The following MACF1 variants were observed in gnomAD, a reference collection of about 807,000 sequenced individuals.
MACF1 encodes microtubule-actin cross-linking factor 1.
In MACF1, 193 loss-of-function variants were observed where a neutral mutation model predicts 854.8. That is an observed-to-expected ratio of 0.23 (90% CI 0.20 to 0.25). The LOEUF is 0.25. Among genes scored for constraint, MACF1 ranks in the 10% least tolerant of loss-of-function variants. The pLI is 1.00. For missense variants in MACF1, 7,722 were observed against 8,929.1 expected (o/e 0.86, Z 5.45); for synonymous variants, 3,185 against 3,226.7 (o/e 0.99, Z 0.44).
chr1:39,469,669 C>A, intron 97 of MACF1, 54 bp downstream of exon 97: 1 of 1,367,734 alleles, frequency 7.3e-7, no homozygotes, highest in Non-Finnish European at 1.0e-6. Context: ...TTGAGAATGG[C>A]TTTGCTTCTT....
intron 97 of MACF1, among the ~76,000 whole-genome samples, chr1:39,473,381 CCTT>C (rs1199381033): frequency 2.0e-5 from 3 of 152,232 alleles, no homozygotes; most frequent in African/African-American, 7.2e-5. Flanking sequence ...GGATAATCTT[CCTT>C]CTTGTAGTAT....
chr1:39,460,564 G>A lies in MACF1; in HGVS notation c.21361-68G>A. On this transcript the variant is annotated intron_variant, in intron 91 of 100. Coordinates refer to ENST00000564288, the MANE Select transcript of MACF1 (RefSeq NM_001394062.1). The surrounding 1 kb of genome is among the most constrained non-coding windows in gnomAD (Gnocchi z 4.1). ...GCTTTACTGAATGTCTGAAAGTTTGGGTATGCTCTGGGCAGCTTTTGAGGG... is the reference window on the plus strand; with the variant it reads ...GCTTTACTGAATGTCTGAAAGTTTGAGTATGCTCTGGGCAGCTTTTGAGGG... 2 of 1,377,608 alleles carry A rather than the reference G, an allele frequency of 1.5e-6. No homozygotes were observed. The highest frequency in any genetic ancestry group is 2.1e-6 in the Non-Finnish European group (2 of 972,624). The allele number at this position is 1,377,608 out of a possible 1,614,324, so 85.3% of individuals were successfully genotyped here. A position where few individuals can be genotyped will look rare whatever the true frequency, so the allele number is the denominator to read the frequency against.
chr1:39,217,659 AGT>A (rs1482144472), intron 1 of MACF1, among the ~76,000 whole-genome samples: 1 of 152,032 alleles, frequency 6.6e-6, no homozygotes, highest in South Asian at 2.1e-4. Flanking sequence ...AGGGCGGATC[AGT>A]TGAGGTCAAG....
intron 58 of MACF1, chr1:39,413,007 A>G (rs779187368): frequency 2.5e-6 from 4 of 1,583,312 alleles, no homozygotes; most frequent in South Asian, 2.3e-5. Context: ...CTGTTACAGT[A>G]TCTGTCCCTG....
chr1:39,223,154 G>A (rs748189160), intron 1 of MACF1, among the ~76,000 whole-genome samples: 3 of 152,228 alleles, frequency 2.0e-5, no homozygotes, highest in Non-Finnish European at 4.4e-5. Flanking sequence ...TATATTCACA[G>A]AGTATGTGCA....
chr1:39,415,508 G>GTA (rs1286350008), intron 58 of MACF1, among the ~76,000 whole-genome samples: 1,890 of 141,704 alleles, frequency 0.013, 11 homozygotes, highest in Middle Eastern at 0.046. Context: ...GCAATTTTTT[G>GTA]TATATATATA....
chr1:39,442,625 C>G, intron 77 of MACF1, 58 bp downstream of exon 77: 2 of 1,602,638 alleles, frequency 1.2e-6, no homozygotes, highest in African/African-American at 1.3e-5. Flanking sequence ...GATGCTGCCA[C>G]CAGCAGCCTT....
At chr1:39,394,274 G>C (rs72661971) in intron 58 of MACF1, among the ~76,000 whole-genome samples, 1 of 142,610 alleles carries the variant, frequency 7.0e-6, no homozygotes, top group Non-Finnish European at 1.5e-5. Context: ...TTGATTGATT[G>C]ATTTATTGCC....
chr1:39,300,489 G>T, intron 22 of MACF1, 127 bp downstream of exon 22: 4 of 944,518 alleles, frequency 4.2e-6, no homozygotes, highest in Non-Finnish European at 4.4e-6. Flanking sequence ...TAAACATGCT[G>T]AAGTCTCTCC....
intron 58 of MACF1, chr1:39,410,922 T>C: frequency 1.2e-6 from 2 of 1,613,998 alleles, no homozygotes; most frequent in Non-Finnish European, 1.7e-6. Flanking sequence ...GCCAGGACTT[T>C]AGATTTCAGC....
intron 2 of MACF1, among the ~76,000 whole-genome samples, chr1:39,100,206 G>A (rs576286083): frequency 1.7e-4 from 26 of 152,244 alleles, no homozygotes; most frequent in Admixed American, 9.2e-4. Flanking sequence ...ACTCCAGCCT[G>A]GGTGATAGAG....
intron 2 of MACF1, among the ~76,000 whole-genome samples, chr1:39,106,341 T>C: frequency 6.6e-6 from 1 of 152,126 alleles, no homozygotes; most frequent in Non-Finnish European, 1.5e-5. Flanking sequence ...ACATAAAGAT[T>C]TGCCTTGGAG....
At chr1:39,370,697 C>T (rs1649148650) in intron 51 of MACF1, among the ~76,000 whole-genome samples, 1 of 152,186 alleles carries the variant, frequency 6.6e-6, no homozygotes, top group Non-Finnish European at 1.5e-5. Flanking sequence ...CATACTTCAT[C>T]CTGAGCAGAT....
intron 89 of MACF1, chr1:39,457,962 G>A (rs574763041): frequency 6.3e-6 from 1 of 159,108 alleles, no homozygotes; most frequent in East Asian, 1.8e-4. Flanking sequence ...TAGAATCATG[G>A]TGGAAGGCAA....
chr1:39,113,568 A>G (rs1315055866), intron 2 of MACF1, among the ~76,000 whole-genome samples: 2 of 152,238 alleles, frequency 1.3e-5, no homozygotes, highest in Admixed American at 6.5e-5. Context: ...GACTACTCAA[A>G]TCATCCCTGA....
chr1:39,227,882 T>TA (rs1367424131), intron 1 of MACF1, among the ~76,000 whole-genome samples: 9 of 152,218 alleles, frequency 5.9e-5, no homozygotes, highest in Non-Finnish European at 8.8e-5. Flanking sequence ...TAAGGTTAGA[T>TA]AGAGTCACTC....
chr1:39,188,287 G>C (rs1205337579), intron 2 of MACF1, among the ~76,000 whole-genome samples: 1 of 152,010 alleles, frequency 6.6e-6, no homozygotes, highest in African/African-American at 2.4e-5. Flanking sequence ...AAATGAGCTG[G>C]ATGTGGTGGC....
chr1:39,413,041 G>T, intron 58 of MACF1: 1 of 1,590,888 alleles, frequency 6.3e-7, no homozygotes, highest in Non-Finnish European at 8.6e-7. Context: ...AGTTGCTGCA[G>T]TGTCCTCCCC....
Position 39,347,150 on chromosome 1 carries a change from C to T in MACF1, c.10755C>T (p.Ala3585=), listed in dbSNP as rs2761764. 6.2e-7 allele frequency: 1 copy of T among 1,614,158 alleles called. No homozygotes were observed. The highest frequency in any genetic ancestry group is 1.3e-5 in the African/African-American group (1 of 75,026). The part of the protein sequence containing the change: ...RSFQDILEQT[A]AQVDALQGHL... ...TCCAGGACATTTTGGAACAGACTGCCGCTCAGGTGGATGCCTTGCAGGGCC... is the reference window on the plus strand; with the variant it reads ...TCCAGGACATTTTGGAACAGACTGCTGCTCAGGTGGATGCCTTGCAGGGCC... The change falls in exon 41 of 101, where the codon GCC becomes GCT. Residue 3585 remains alanine (A), a synonymous_variant. Transcript: ENST00000564288.
Sources: gnomAD v4.1 joint callset for allele counts (sites outside exome capture counted in the v4.1 genomes callset) on GRCh38, gnomAD v4.1.1 for gene constraint, Gnocchi (gnomAD v3.1) non-coding constraint, MANE v1.5 for transcripts, NCBI Gene and HGNC (gene_info 2026-07-23, HGNC 2026-07-21) for gene names.